Variants in SEMA4D observed in about 807,000 individuals in gnomAD.
The protein encoded by SEMA4D is semaphorin-4D.
A neutral mutation model predicts 74.8 loss-of-function variants in SEMA4D; 22 were observed. The ratio of observed to expected loss-of-function variants is 0.29; its 90% CI spans 0.21 to 0.42. The LOEUF (loss-of-function observed/expected upper bound fraction) is 0.42, where lower values mean the gene tolerates loss of function less well. Among genes scored for constraint, SEMA4D ranks in the 10% least tolerant of loss-of-function variants. The pLI is 1.00. For missense variants in SEMA4D, 937 were observed against 1,118.4 expected, an observed-to-expected ratio of 0.84 and a Z score of 2.31; for synonymous variants, 445 against 463.7, an observed-to-expected ratio of 0.96 and a Z score of 0.52.
In SEMA4D at chr9:89,391,425, G is replaced by T. The variant is rs767396183; in HGVS notation, c.623-10C>A. On this transcript the variant is annotated splice_polypyrimidine_tract_variant and intron_variant, in intron 8 of 15. Transcript: ENST00000422704. The stretch of plus-strand genomic sequence containing the variant: ...AACACGAAACTAGGCTCTGCAGAGA[G>T]AGGACAGTGATTATCCCAGAACACA... The T allele has an allele frequency of 2.5e-6, 4 of 1,614,188 alleles. No homozygotes were observed. The Admixed American group carries it at 5.0e-5, about 20-fold the overall frequency.
At chr9:89,413,182 G>A (rs1459082527) in intron 2 of SEMA4D, among the ~76,000 whole-genome samples, 1 of 152,156 alleles carries the variant, frequency 6.6e-6, no homozygotes, top group African/African-American at 2.4e-5. Flanking sequence ...AGAAAGACAG[G>A]GTTGTGAAAT....
intron 6 of SEMA4D, among the ~76,000 whole-genome samples, chr9:89,394,792 T>C (rs1186056118): frequency 6.6e-6 from 1 of 152,252 alleles, no homozygotes; most frequent in Non-Finnish European, 1.5e-5. Context: ...CCATTTAGCA[T>C]ACCTTGAAAG....
At chr9:89,445,766 C>A (rs141866733) in intron 2 of SEMA4D, among the ~76,000 whole-genome samples, 1 of 152,136 alleles carries the variant, frequency 6.6e-6, no homozygotes, top group Non-Finnish European at 1.5e-5. Flanking sequence ...TTAAGGCCTT[C>A]GACAGATTGG....
chr9:89,372,395 G>GGGTGTGTGTGTGTCTGGGGTGT (rs1835226504), downstream of SEMA4D, among the ~76,000 whole-genome samples: 2 of 145,786 alleles, frequency 1.4e-5, no homozygotes, highest in Admixed American at 1.4e-4. Context: ...GGTGTGTCGG[G>GGGTGTGTGTGTGTCTGGGGTGT]GGTGTGTGTG....
chr9:89,373,244 ACACCACAGGC>A (rs1180965766), downstream of SEMA4D, among the ~76,000 whole-genome samples: 1 of 152,124 alleles, frequency 6.6e-6, no homozygotes, highest in East Asian at 1.9e-4. Flanking sequence ...GCCTCTGCAC[ACACCACAGGC>A]TATGTTTTCC....
chr9:89,389,407 T>C (rs1839315132), intron 9 of SEMA4D, among the ~76,000 whole-genome samples: 1 of 152,216 alleles, frequency 6.6e-6, no homozygotes, highest in Non-Finnish European at 1.5e-5. Flanking sequence ...TGGCATTGTG[T>C]GACTTTCCTG....
At chr9:89,374,163 G>C (rs1464924498), downstream of SEMA4D, among the ~76,000 whole-genome samples, 1 of 151,204 alleles carries the variant, frequency 6.6e-6, no homozygotes, top group African/African-American at 2.5e-5. Flanking sequence ...CACGTGAAAA[G>C]GGGGTGGCGG....
chr9:89,431,557 G>A (rs190949050), intron 2 of SEMA4D, among the ~76,000 whole-genome samples: 3 of 152,208 alleles, frequency 2.0e-5, no homozygotes, highest in Non-Finnish European at 2.9e-5. Context: ...CAATGCAACG[G>A]TGCAATCATA....
Position 89,377,327 on chromosome 9 carries a change from C to T in SEMA4D, c.*1377G>A. 2.7e-6 allele frequency: 1 copy of T among 368,584 alleles called. No individual in the cohort carries two copies. The allele number at this position is 368,584 out of a possible 1,614,324, so 22.8% of individuals were successfully genotyped here. ...AAAACAAGGTAAATCTTATAAAACA[C>T]AAATGTTTACACCAAAATGGTCAAA... is the stretch of plus-strand genomic sequence containing the variant. On this transcript the variant is annotated 3_prime_UTR_variant, in exon 16 of 16. Transcript: ENST00000422704.
chr9:89,380,121 C>T (rs570807550), intron 15 of SEMA4D, among the ~76,000 whole-genome samples: 2 of 152,022 alleles, frequency 1.3e-5, no homozygotes, highest in African/African-American at 2.4e-5. Flanking sequence ...CAGCTTCAAC[C>T]CCCCCAGCTC....
chr9:89,446,560 G>C (rs769003920), intron 2 of SEMA4D, among the ~76,000 whole-genome samples: 2 of 152,202 alleles, frequency 1.3e-5, no homozygotes, highest in Admixed American at 1.3e-4. Context: ...GCACCACGGG[G>C]CCTCTCTCGG....
intron 2 of SEMA4D, among the ~76,000 whole-genome samples, chr9:89,429,699 C>A (rs746070486): frequency 6.6e-6 from 1 of 152,166 alleles, no homozygotes; most frequent in Non-Finnish European, 1.5e-5. Context: ...GGCCGAGGGA[C>A]GTACCCGACC....
intron 7 of SEMA4D, 22 bp from the exon 8 acceptor site, chr9:89,392,558 G>T (rs1292094179): frequency 6.6e-7 from 1 of 1,525,368 alleles, no homozygotes; most frequent in Admixed American, 1.7e-5. Flanking sequence ...CAGAAGAAAA[G>T]AGGAAAAGGG....
chr9:89,427,082 A>T (rs1269871524), intron 2 of SEMA4D, among the ~76,000 whole-genome samples: 2 of 152,218 alleles, frequency 1.3e-5, no homozygotes, highest in Admixed American at 1.3e-4. Context: ...TGAATGTCAC[A>T]AGCCCAGTAT....
intron 1 of SEMA4D, among the ~76,000 whole-genome samples, chr9:89,482,911 TA>T (rs1431892540): frequency 1.3e-5 from 2 of 152,200 alleles, no homozygotes; most frequent in Non-Finnish European, 2.9e-5. Flanking sequence ...TGCTAATTAT[TA>T]AATGACACTC....
rs186322103 is a variant in SEMA4D at position 89,489,737 on chromosome 9, C to T, written c.-310+8182G>A. On this transcript the variant is annotated intron_variant, in intron 1 of 15. Coordinates refer to ENST00000422704, the MANE Select transcript of SEMA4D (RefSeq NM_001371194.2). ...CCATGTATGAATATACCACATTTAG[C>T]TTACCCATTCATCCACTGCTGGACA... Among the ~76,000 whole-genome samples, 29 of 152,336 alleles carry T rather than the reference C, an allele frequency of 1.9e-4. No homozygotes were observed. In the East Asian group the frequency reaches 3.1e-3, roughly 16 times the overall value.
chr9:89,376,991 A>T (rs757643768), downstream of SEMA4D: 24 of 1,549,928 alleles, frequency 1.5e-5, no homozygotes, highest in Non-Finnish European at 2.0e-5. Context: ...CCTGTCCCCC[A>T]CATGGCCCAG....
exon 19 of SEMA4D, chr9:89,361,086 GT>G (rs1033156686): frequency 1.3e-4 from 20 of 152,170 alleles, no homozygotes; most frequent in Admixed American, 1.1e-3. Flanking sequence ...AAAACTTCAG[GT>G]TATGAGTATG....
At chr9:89,370,736 TGTG>T (rs889291853) in intron 16 of SEMA4D, among the ~76,000 whole-genome samples, 10 of 138,884 alleles carry the variant, frequency 7.2e-5, no homozygotes, top group Non-Finnish European at 1.1e-4. Context: ...TGGGGTGTGG[TGTG>T]TGTGTGGGGT....
Sources: allele counts gnomAD v4.1 joint callset (sites outside exome capture counted in the v4.1 genomes callset), GRCh38; gene constraint gnomAD v4.1.1; transcripts MANE v1.5; gene names NCBI Gene and HGNC (gene_info 2026-07-23, HGNC 2026-07-21).